The following GRXCR2 variants were observed in gnomAD, a reference collection of about 807,000 sequenced individuals.
GRXCR2 encodes the protein glutaredoxin and cysteine rich domain containing 2, also known as glutaredoxin domain-containing cysteine-rich protein 2.
In GRXCR2, 23 loss-of-function variants were observed where a neutral mutation model predicts 24.8. The observed-to-expected ratio is 0.93, with a 90% CI of 0.67 to 1.32. GRXCR2 has a LOEUF of 1.32. Ranked by LOEUF, GRXCR2 falls within the 40% of genes most tolerant of loss-of-function variation. The probability of loss-of-function intolerance (pLI) is 0.00; values close to 1 mark genes in which losing one functional copy is unlikely to be tolerated. For missense variants in GRXCR2, 315 were observed against 303.4 expected, an observed-to-expected ratio of 1.04 and a Z score of -0.28; for synonymous variants, 130 against 116.1, an observed-to-expected ratio of 1.12 and a Z score of -0.77.
chr5:145,915,408 AC>A (rs1187498655), intron 2 of GRXCR2, among the ~76,000 whole-genome samples: 7 of 152,088 alleles, frequency 4.6e-5, no homozygotes, highest in Non-Finnish European at 8.8e-5. Flanking sequence ...AACTTCAAAA[AC>A]CAGAGATTAT....
intron 2 of GRXCR2, among the ~76,000 whole-genome samples, chr5:145,884,508 T>C (rs1756749082): frequency 6.6e-6 from 1 of 152,172 alleles, no homozygotes; most frequent in African/African-American, 2.4e-5. Flanking sequence ...TTGTAGGACA[T>C]ACATGCTGAA....
rs1756466333 is a variant in GRXCR2 at position 145,868,120 on chromosome 5, A to G, written c.337-1392T>C. ...GGGGGTGGGAGGTACCACGAAAAAC[A>G]TATAAAATAGTGTTTTTATTTTATA... is the stretch of plus-strand genomic sequence containing the variant. On this transcript the variant is annotated intron_variant, in intron 1 of 2. Transcript: ENST00000377976. 1.3e-5 allele frequency among the ~76,000 whole-genome samples: 2 copies of G among 152,192 alleles called. 1 individual carries two copies. Among genetic ancestry groups the G allele is most frequent in the Admixed American group, 1.3e-4 (2 of 15,276 alleles).
At chr5:145,930,515 G>A (rs1757464261) in intron 2 of GRXCR2, among the ~76,000 whole-genome samples, 1 of 151,988 alleles carries the variant, frequency 6.6e-6, no homozygotes, top group Non-Finnish European at 1.5e-5. Context: ...AAATGAAACT[G>A]GTTTCCCATT....
At chr5:145,910,929 G>A (rs1757156497) in intron 2 of GRXCR2, among the ~76,000 whole-genome samples, 1 of 151,870 alleles carries the variant, frequency 6.6e-6, no homozygotes. Context: ...GGACGCCAAG[G>A]CCCTGAAAAG....
At chr5:145,886,776 A>C (rs1257816536) in intron 2 of GRXCR2, among the ~76,000 whole-genome samples, 1 of 152,210 alleles carries the variant, frequency 6.6e-6, no homozygotes, top group Non-Finnish European at 1.5e-5. Context: ...AGATGAAATT[A>C]ATTTTATTAA....
At chr5:145,898,263 C>A (rs899902255) in intron 2 of GRXCR2, among the ~76,000 whole-genome samples, 1 of 150,984 alleles carries the variant, frequency 6.6e-6, no homozygotes, top group East Asian at 1.9e-4. Context: ...AAGATTGAAT[C>A]AGTTCTGAAA....
At chr5:145,869,559 C>CTTTTT (rs398038865) in intron 1 of GRXCR2, among the ~76,000 whole-genome samples, 3 of 137,536 alleles carry the variant, frequency 2.2e-5, no homozygotes, top group Non-Finnish European at 3.1e-5. Context: ...CTCTCTCTCT[C>CTTTTT]TTTTTTTTTT....
At chr5:145,920,042 AC>A (rs148946632) in intron 2 of GRXCR2, among the ~76,000 whole-genome samples, 64 of 152,212 alleles carry the variant, frequency 4.2e-4, no homozygotes, top group African/African-American at 1.4e-3. Flanking sequence ...GTGGATCCTA[AC>A]CCCCTAGAAC....
chr5:145,928,653 C>CA (rs1247299469), intron 2 of GRXCR2, among the ~76,000 whole-genome samples: 1 of 147,700 alleles, frequency 6.8e-6, no homozygotes, highest in Non-Finnish European at 1.5e-5. Context: ...ATCGCAAGGA[C>CA]AAAAAACCAA....
intron 2 of GRXCR2, among the ~76,000 whole-genome samples, chr5:145,922,028 G>A (rs978212234): frequency 3.3e-5 from 5 of 152,140 alleles, no homozygotes; most frequent in Admixed American, 3.3e-4. Flanking sequence ...CAAATCTAAA[G>A]GGAATCTCTG....
upstream of GRXCR2, among the ~76,000 whole-genome samples, chr5:145,876,191 GTATATATATATATATATATA>G (rs748811333): frequency 9.5e-6 from 1 of 105,314 alleles, no homozygotes; most frequent in Non-Finnish European, 1.8e-5. Context: ...GTGTGTGTGT[GTATATATATATATATATATA>G]TATATACACA....
At chr5:145,909,787 C>T (rs1757139826) in intron 2 of GRXCR2, among the ~76,000 whole-genome samples, 1 of 152,146 alleles carries the variant, frequency 6.6e-6, no homozygotes, top group South Asian at 2.1e-4. Flanking sequence ...CTTATAAATC[C>T]TTTTTAATCA....
intron 2 of GRXCR2, among the ~76,000 whole-genome samples, chr5:145,918,182 G>T (rs1757267013): frequency 6.6e-6 from 1 of 152,142 alleles, no homozygotes; most frequent in Non-Finnish European, 1.5e-5. Context: ...CTCGTTATTA[G>T]CCATGACAAA....
At chr5:145,922,850 G>A (rs1757340911) in intron 2 of GRXCR2, among the ~76,000 whole-genome samples, 1 of 152,210 alleles carries the variant, frequency 6.6e-6, no homozygotes. Context: ...AGTCTGTAAT[G>A]GTCTGGAAAC....
chr5:145,897,574 C>A (rs1756968339), intron 2 of GRXCR2, among the ~76,000 whole-genome samples: 5 of 151,954 alleles, frequency 3.3e-5, no homozygotes, highest in Admixed American at 3.3e-4. Context: ...AGCCATAAAG[C>A]AAGTCTCAAT....
At chr5:145,898,520 T>C (rs1026525962) in intron 2 of GRXCR2, among the ~76,000 whole-genome samples, 6 of 152,040 alleles carry the variant, frequency 3.9e-5, no homozygotes, top group Non-Finnish European at 8.8e-5. Context: ...TGAATATACA[T>C]ACAAAAATCC....
intron 2 of GRXCR2, among the ~76,000 whole-genome samples, chr5:145,863,431 A>C (rs946007231): frequency 6.6e-6 from 1 of 152,224 alleles, no homozygotes; most frequent in Non-Finnish European, 1.5e-5. Context: ...AAAAACACAG[A>C]TCTCTCCAAA....
chr5:145,917,319 A>C (rs1317307134), intron 2 of GRXCR2, among the ~76,000 whole-genome samples: 2 of 152,094 alleles, frequency 1.3e-5, no homozygotes, highest in Non-Finnish European at 2.9e-5. Flanking sequence ...TTTTAGACCC[A>C]AATATATGAA....
chr5:145,885,097 CTGTGTG>C (rs59158357), intron 2 of GRXCR2, among the ~76,000 whole-genome samples: 3 of 147,718 alleles, frequency 2.0e-5, no homozygotes, highest in Non-Finnish European at 4.5e-5. Context: ...GTGTGTGTGT[CTGTGTG>C]TGTGTGTGTG....
Sources: allele counts gnomAD v4.1 joint callset (sites outside exome capture counted in the v4.1 genomes callset), GRCh38; gene constraint gnomAD v4.1.1; transcripts MANE v1.5; gene names NCBI Gene and HGNC (gene_info 2026-07-23, HGNC 2026-07-21).